Variants in FAM156A observed in about 807,000 individuals in gnomAD.
FAM156A encodes protein FAM156A/FAM156B.
chrX:52,992,250 G>A (rs184734645), intron 1 of FAM156A, among the ~76,000 whole-genome samples: 1 of 111,490 alleles, frequency 9.0e-6, no homozygotes, highest in Non-Finnish European at 1.9e-5. Context: ...ACATGTCCTG[G>A]GCTATTGTGG....
At chrX:52,978,857 A>C (rs1297835745) in intron 1 of FAM156A, among the ~76,000 whole-genome samples, 1 of 111,872 alleles carries the variant, frequency 8.9e-6, no homozygotes, top group Non-Finnish European at 1.9e-5. Context: ...AGGAGAAAGA[A>C]GCTGTGTCAC....
intron 1 of FAM156A, among the ~76,000 whole-genome samples, chrX:52,991,624 CT>C (rs1556795632): frequency 8.9e-6 from 1 of 112,319 alleles, no homozygotes; most frequent in Non-Finnish European, 1.9e-5. Context: ...CTGTTCTCCT[CT>C]ACAGGGTGGG....
At chrX:52,988,481 G>A (rs1407816816) in intron 1 of FAM156A, among the ~76,000 whole-genome samples, 2 of 110,859 alleles carry the variant, frequency 1.8e-5, no homozygotes, top group African/African-American at 6.6e-5. Flanking sequence ...TCTTTGGGGT[G>A]ATGCATATGT....
intron 1 of FAM156A, among the ~76,000 whole-genome samples, chrX:52,982,373 G>A (rs1488754960): frequency 4.5e-5 from 5 of 111,495 alleles, no homozygotes; most frequent in Non-Finnish European, 9.4e-5. Context: ...AGAATCGCTT[G>A]AGCCTGGAAG....
intron 1 of FAM156A, among the ~76,000 whole-genome samples, chrX:52,973,939 T>C (rs1929243723): frequency 1.8e-5 from 2 of 111,203 alleles, no homozygotes; most frequent in African/African-American, 3.3e-5. Flanking sequence ...GCTGGGATTA[T>C]AGGCATGAGC....
chrX:52,962,931 C>CA (rs1421990539), upstream of FAM156A, among the ~76,000 whole-genome samples: 107 of 20,863 alleles, frequency 5.1e-3, no homozygotes, highest in Admixed American at 8.2e-3. Flanking sequence ...GCCTGCCGCA[C>CA]AAACCTCCCC....
At chrX:52,992,490 G>A (rs924196400) in intron 1 of FAM156A, among the ~76,000 whole-genome samples, 9 of 111,647 alleles carry the variant, frequency 8.1e-5, no homozygotes, top group African/African-American at 2.9e-4. Flanking sequence ...GAAGGAGGCC[G>A]CCTATGCTGT....
chrX:52,982,604 C>G (rs1929990308), intron 1 of FAM156A, among the ~76,000 whole-genome samples: 1 of 110,659 alleles, frequency 9.0e-6, no homozygotes, highest in Non-Finnish European at 1.9e-5. Context: ...AACCAAGTAT[C>G]TCTTAAAAAA....
At chrX:52,973,894 G>A (rs1204782709) in intron 1 of FAM156A, among the ~76,000 whole-genome samples, 1 of 111,201 alleles carries the variant, frequency 9.0e-6, no homozygotes, top group Non-Finnish European at 1.9e-5. Context: ...GAACTCCTGA[G>A]CTCAGGCAAA....
chrX:52,986,235 T>TA (rs1556794422), intron 1 of FAM156A, among the ~76,000 whole-genome samples: 1 of 101,273 alleles, frequency 9.9e-6, no homozygotes, highest in Non-Finnish European at 2.0e-5. Context: ...ATAATAAAAT[T>TA]AAAAAAATAA....
intron 1 of FAM156A, among the ~76,000 whole-genome samples, chrX:52,987,696 C>A (rs1377034583): frequency 2.9e-5 from 3 of 102,705 alleles, no homozygotes; most frequent in Non-Finnish European, 5.8e-5. Context: ...GATAGTTCAA[C>A]AGAAAGAGAA....
chrX:52,981,538 TG>T (rs1556793398), intron 1 of FAM156A, among the ~76,000 whole-genome samples: 1 of 111,873 alleles, frequency 8.9e-6, no homozygotes, highest in East Asian at 2.8e-4. Context: ...CTTCCCACTG[TG>T]GGACTTTTCC....
At chrX:52,992,243 T>C (rs1930826667) in intron 1 of FAM156A, among the ~76,000 whole-genome samples, 1 of 111,150 alleles carries the variant, frequency 9.0e-6, no homozygotes, top group African/African-American at 3.3e-5. Context: ...AAAGCCCACA[T>C]GTCCTGGGCT....
chrX:52,990,806 GAAAAGA>G (rs1371092695), intron 1 of FAM156A, among the ~76,000 whole-genome samples: 26 of 78,721 alleles, frequency 3.3e-4, no homozygotes, highest in African/African-American at 1.2e-3. Context: ...AGAAAGAAAA[GAAAAGA>G]AAAGAAAAGA....
chrX:52,975,051 T>TACACACACACACAC (rs61081750), intron 1 of FAM156A, among the ~76,000 whole-genome samples: 17 of 83,677 alleles, frequency 2.0e-4, no homozygotes, highest in Admixed American at 5.7e-4. Context: ...GTTAAACACA[T>TACACACACACACAC]ACACACACAC....
chrX:52,988,084 T>C (rs994190107), intron 1 of FAM156A, among the ~76,000 whole-genome samples: 1 of 109,406 alleles, frequency 9.1e-6, no homozygotes, highest in Non-Finnish European at 1.9e-5. Flanking sequence ...CTACTAAAAA[T>C]ACAAATATTG....
chrX:52,995,066 G>A (rs782491623), intron 1 of FAM156A, among the ~76,000 whole-genome samples: 2 of 111,477 alleles, frequency 1.8e-5, no homozygotes, highest in African/African-American at 6.5e-5. Flanking sequence ...GACACAATCT[G>A]GACCCCAAAC....
At chrX:52,974,112 C>G (rs1929260974) in intron 1 of FAM156A, among the ~76,000 whole-genome samples, 1 of 112,439 alleles carries the variant, frequency 8.9e-6, no homozygotes, top group Non-Finnish European at 1.9e-5. Flanking sequence ...CATGCTCAGT[C>G]AAGACTTTTT....
At chrX:52,974,389 G>A (rs1490999247) in intron 1 of FAM156A, among the ~76,000 whole-genome samples, 1 of 111,939 alleles carries the variant, frequency 8.9e-6, no homozygotes, top group Admixed American at 9.5e-5. Context: ...CCATGAGGGC[G>A]GGGATGTGTC....
Sources: gnomAD v4.1 joint callset for allele counts (sites outside exome capture counted in the v4.1 genomes callset) on GRCh38, gnomAD v4.1.1 for gene constraint, MANE v1.5 for transcripts, NCBI Gene and HGNC (gene_info 2026-07-23, HGNC 2026-07-21) for gene names.